Variants in CFAP47 observed in about 807,000 individuals in gnomAD.
CFAP47 encodes the protein cilia and flagella associated protein 47.
A neutral mutation model predicts 148.1 loss-of-function variants in CFAP47; 29 were observed. The observed-to-expected ratio is 0.20, with a 90% CI of 0.15 to 0.27. The LOEUF (loss-of-function observed/expected upper bound fraction) is 0.27. CFAP47 is among the 10% of genes least tolerant of loss of function. The pLI is 1.00. For synonymous variants in CFAP47, 664 were observed against 577.3 expected, an observed-to-expected ratio of 1.15 and a Z score of -2.15; for missense variants, 1,872 against 1,697.5, an observed-to-expected ratio of 1.10 and a Z score of -1.81.
At chrX:36,357,852 A>G (rs1403887717) in intron 60 of CFAP47, among the ~76,000 whole-genome samples, 1 of 110,537 alleles carries the variant, frequency 9.0e-6, no homozygotes, top group Non-Finnish European at 1.9e-5. Flanking sequence ...CCTTAATTTT[A>G]TTTCCCAATT....
intron 26 of CFAP47, among the ~76,000 whole-genome samples, chrX:36,047,420 C>A (rs1937479515): frequency 1.8e-5 from 2 of 111,697 alleles, no homozygotes; most frequent in African/African-American, 3.2e-5. Context: ...CAGGAAATAA[C>A]CCAAAGGAAA....
chrX:36,353,714 T>C, intron 60 of CFAP47, 33 bp downstream of exon 60: 2 of 1,057,975 alleles, frequency 1.9e-6, no homozygotes, highest in Non-Finnish European at 1.3e-6. Context: ...AAAAATAAAA[T>C]GAAAAAAGAA....
intron 39 of CFAP47, among the ~76,000 whole-genome samples, chrX:36,171,680 A>G (rs1039542774): frequency 5.4e-5 from 6 of 111,768 alleles, no homozygotes; most frequent in Admixed American, 9.5e-5. Flanking sequence ...TACCAGTACC[A>G]TACTGTTTTG....
At chrX:36,230,930 A>G (rs62590711) in intron 46 of CFAP47, among the ~76,000 whole-genome samples, 28,795 of 99,285 alleles carry the variant, frequency 0.29, 6,638 homozygotes, top group African/African-American at 0.71. Context: ...TAGATATGCG[A>G]CGTTATTTCT....
chrX:36,225,559 A>G (rs1940261098), intron 45 of CFAP47, among the ~76,000 whole-genome samples: 1 of 111,753 alleles, frequency 8.9e-6, no homozygotes, highest in African/African-American at 3.3e-5. Flanking sequence ...TAGTTACTGC[A>G]CAGTTCTAGG....
Position 35,971,595 on chromosome X carries a change from G to A in CFAP47, c.1980G>A (p.Met660Ile), listed in dbSNP as rs1274642990. ...LQKKQAERER[M>I]YSYDDTDIGL... ...ATTATTAATTTTATAGGGAGCGCATGTATTCATATGATGATACAGACATAG... is the reference window on the plus strand; with the variant it reads ...ATTATTAATTTTATAGGGAGCGCATATATTCATATGATGATACAGACATAG... The change falls in exon 12 of 64, where the codon ATG (methionine) becomes ATA (isoleucine). Residue 660 changes from methionine to isoleucine, a missense_variant. Transcript: ENST00000378653. 5 of 1,131,674 alleles carry A rather than the reference G, an allele frequency of 4.4e-6. No homozygotes were observed. Among genetic ancestry groups the A allele is most frequent in the East Asian group, 6.5e-5 (2 of 31,005 alleles). 93.3% of individuals were successfully genotyped at this position (1,131,674 alleles called of 1,213,427 possible). A position where few individuals can be genotyped will look rare whatever the true frequency, so the allele number is the denominator to read the frequency against.
intron 36 of CFAP47, among the ~76,000 whole-genome samples, chrX:36,145,918 A>G (rs1481848482): frequency 9.0e-6 from 1 of 110,614 alleles, no homozygotes; most frequent in South Asian, 3.7e-4. Flanking sequence ...CTCAAAATGT[A>G]GAGGACTGAA....
intron 39 of CFAP47, among the ~76,000 whole-genome samples, chrX:36,176,919 A>G (rs1939690471): frequency 8.9e-6 from 1 of 112,240 alleles, no homozygotes; most frequent in South Asian, 3.7e-4. Flanking sequence ...ATAAAAATAA[A>G]AAAATTAAAT....
chrX:36,338,746 T>C (rs184329407), intron 57 of CFAP47, among the ~76,000 whole-genome samples: 1 of 111,932 alleles, frequency 8.9e-6, no homozygotes, highest in East Asian at 2.8e-4. Flanking sequence ...ATTGATAGCC[T>C]CAGCCTCAAC....
At chrX:36,280,729 C>T (rs782128170) in intron 50 of CFAP47, 99 bp downstream of exon 50, 14 of 340,314 alleles carry the variant, frequency 4.1e-5, no homozygotes, top group African/African-American at 3.2e-4. Flanking sequence ...TAATACATAT[C>T]CAAATTTGTA....
chrX:36,371,811 T>TACAC (rs1556021783), intron 62 of CFAP47, among the ~76,000 whole-genome samples: 1 of 69,346 alleles, frequency 1.4e-5, no homozygotes, highest in Non-Finnish European at 2.6e-5. Flanking sequence ...CACATGTATA[T>TACAC]ATGTGTGCAT....
At chrX:36,260,263 G>A in intron 49 of CFAP47, among the ~76,000 whole-genome samples, 1 of 111,662 alleles carries the variant, frequency 9.0e-6, no homozygotes, top group Non-Finnish European at 1.9e-5. Context: ...GGGATTGCTG[G>A]GTCAAATGAT....
At chrX:36,204,845 C>T (rs1200334211) in intron 44 of CFAP47, 112 bp from the exon 45 acceptor site, 8 of 288,215 alleles carry the variant, frequency 2.8e-5, no homozygotes, top group Non-Finnish European at 4.8e-5. Flanking sequence ...CAAATTCAAT[C>T]CTTGATGGAT....
rs1004915887 is a variant in CFAP47 at position 36,190,138 on chromosome X, G to A, written c.6263G>A (p.Arg2088His). The change falls in exon 42 of 64, where the codon CGC (arginine) becomes CAC (histidine). Residue 2088 changes from arginine (R) to histidine (H), a missense_variant. Arg to His is a conservative substitution (Grantham distance 29). Transcript: ENST00000378653. ...AAAGGAACTTCAAGCCTAGAGCTCC[G>A]CTTTCTTCCCTTTAACATGCACGTG... Reference protein sequence around the residue: ...GVKGTSSLELRFLPFNMHVRY... With the variant: ...GVKGTSSLELHFLPFNMHVRY... 2.0e-5 allele frequency: 6 copies of A among 296,578 alleles called. No homozygotes were observed. The highest frequency in any genetic ancestry group is 2.9e-5 in the Non-Finnish European group (5 of 170,042). 24.4% of individuals were successfully genotyped at this position (296,578 alleles called of 1,213,427 possible).
In CFAP47 at chrX:36,285,639, T is replaced by C. The variant is rs1556004419; in HGVS notation, c.7599T>C (p.Phe2533=). 1 of 924,850 alleles carries C rather than the reference T, an allele frequency of 1.1e-6. No homozygotes were observed. 76.2% of individuals were successfully genotyped at this position (924,850 alleles called of 1,213,427 possible). The change falls in exon 51 of 64, where the codon TTT becomes TTC. Residue 2533 remains phenylalanine, a synonymous_variant. Coordinates refer to ENST00000378653, the MANE Select transcript of CFAP47 (RefSeq NM_001304548.2). The stretch of plus-strand genomic sequence containing the variant: ...TGTTTTGTTTTTCAGATGGTAATTT[T>C]AACAATTTAAGATTCTGGTATAATC... The part of the protein sequence containing the change: ...ILDDADTYGN[F]NNLRFWYNLE...
chrX:36,157,243 G>T (rs1482315476), intron 37 of CFAP47, among the ~76,000 whole-genome samples: 1 of 111,996 alleles, frequency 8.9e-6, no homozygotes, highest in Non-Finnish European at 1.9e-5. Context: ...ATTTAAAAAG[G>T]TGCTTAAAAT....
chrX:36,365,811 G>T (rs1447289606), intron 61 of CFAP47: 1 of 111,097 alleles, frequency 9.0e-6, no homozygotes, highest in African/African-American at 3.3e-5. Context: ...GTCTGAAAAA[G>T]ACATGATTTC....
chrX:35,964,196 A>C (rs1333297741), intron 8 of CFAP47, among the ~76,000 whole-genome samples: 1 of 111,456 alleles, frequency 9.0e-6, no homozygotes, highest in African/African-American at 3.2e-5. Context: ...GAAATGTCTT[A>C]ATTTATACTT....
At position 36,347,687 on chromosome X, in the gene CFAP47, A is replaced by T. The variant is rs191233399; in HGVS notation, c.8444-442A>T. Among the ~76,000 whole-genome samples the T allele has an allele frequency of 1.3e-4, 14 of 110,976 alleles. No individual in the cohort carries two copies. In the East Asian group the frequency reaches 4.0e-3, roughly 32 times the overall value. On this transcript the variant is annotated intron_variant, in intron 57 of 63. Coordinates refer to ENST00000378653, the MANE Select transcript of CFAP47 (RefSeq NM_001304548.2). ...CAGCAAACTATCACAGGGTCAGAAAACCAAACACTGCATGTTCTCACTCAT... is the reference window on the plus strand; with the variant it reads ...CAGCAAACTATCACAGGGTCAGAAATCCAAACACTGCATGTTCTCACTCAT...
Sources: gnomAD v4.1 joint callset for allele counts (sites outside exome capture counted in the v4.1 genomes callset) on GRCh38, gnomAD v4.1.1 for gene constraint, MANE v1.5 for transcripts, NCBI Gene and HGNC (gene_info 2026-07-23, HGNC 2026-07-21) for gene names.